Variants in TTC16 observed in about 807,000 individuals in gnomAD.
TTC16 encodes the protein tetratricopeptide repeat protein 16.
TTC16 carries 66 observed loss-of-function variants against 80.4 expected under a neutral mutation model. The ratio of observed to expected loss-of-function variants is 0.82; its 90% CI spans 0.67 to 1.01. The LOEUF (loss-of-function observed/expected upper bound fraction) is 1.01, where lower values mean the gene tolerates loss of function less well. TTC16 is among the 50% of genes least tolerant of loss of function. The probability of loss-of-function intolerance (pLI) is 0.00; values close to 1 mark genes in which losing one functional copy is unlikely to be tolerated. For missense variants in TTC16, 1,070 were observed against 1,103.2 expected (o/e 0.97, Z 0.43); for synonymous variants, 438 against 451.3 (o/e 0.97, Z 0.37).
chr9:127,724,482 CA>C (rs1428246725), intron 8 of TTC16, 118 bp downstream of exon 8: 8 of 1,358,684 alleles, frequency 5.9e-6, no homozygotes, highest in Non-Finnish European at 8.0e-6. Context: ...AGGAAGGAAG[CA>C]AGGGAAGAGG....
chr9:127,725,391 C>T (rs1171247224), intron 9 of TTC16, among the ~76,000 whole-genome samples: 6 of 149,882 alleles, frequency 4.0e-5, no homozygotes, highest in Non-Finnish European at 8.9e-5. Context: ...GGTGAAACCC[C>T]GTCTCTACTA....
chr9:127,723,344 G>A lies in TTC16; in HGVS notation c.872+11G>A, dbSNP rs1164769456. On this transcript the variant is annotated intron_variant, in intron 7 of 13. Transcript: ENST00000373289. Reference sequence around the variant, plus strand: ...TCTCTTCCTCTTCCGGTACTGCATGGGAAGGTGCTGGCCTTGGGTCCCAGG... The same window carrying A: ...TCTCTTCCTCTTCCGGTACTGCATGAGAAGGTGCTGGCCTTGGGTCCCAGG... 1.2e-6 allele frequency: 2 copies of A among 1,609,330 alleles called. No homozygotes were observed. The highest frequency in any genetic ancestry group is 2.2e-5 in the East Asian group (1 of 44,736).
chr9:127,724,981 C>A, intron 9 of TTC16, 84 bp downstream of exon 9: 2 of 1,404,480 alleles, frequency 1.4e-6, no homozygotes, highest in South Asian at 3.0e-5. Context: ...ATCCCTGGGT[C>A]AATCAAGCTG....
Position 127,717,407 on chromosome 9 carries a change from C to T in TTC16, c.265C>T (p.His89Tyr). The T allele has an allele frequency of 6.2e-7, 1 of 1,613,132 alleles. No homozygotes were observed. Among genetic ancestry groups the T allele is most frequent in the Non-Finnish European group, 8.5e-7 (1 of 1,179,708 alleles). Reference sequence around the variant, plus strand: ...TGTGCTGCTCTTCTCCCGCGCACTCCACCTGGACCCACAGCTGGTGAGAGG... The same window carrying T: ...TGTGCTGCTCTTCTCCCGCGCACTCTACCTGGACCCACAGCTGGTGAGAGG... Reference protein sequence around the residue: ...TAVLLFSRALHLDPQLVDFYA... With the variant: ...TAVLLFSRALYLDPQLVDFYA... The change falls in exon 3 of 14, where the codon CAC (histidine) becomes TAC (tyrosine). Residue 89 changes from histidine to tyrosine, a missense_variant. Coordinates refer to ENST00000373289, the MANE Select transcript of TTC16 (RefSeq NM_144965.3).
rs549212049 is a variant in TTC16, at chr9:127,716,799, G to A, written c.19-45G>A. 3.2e-6 allele frequency: 5 copies of A among 1,573,244 alleles called. No homozygotes were observed. The East Asian group carries it at 6.8e-5, about 21-fold the overall frequency. ...GCTGGGGAGTGTGTCAGTGGGTGGG[G>A]GTCGTCTCGGGGGCCTGCTCCAGCT... On this transcript the variant is annotated intron_variant, in intron 1 of 13. Coordinates refer to ENST00000373289, the MANE Select transcript of TTC16 (RefSeq NM_144965.3).
Position 127,716,853 on chromosome 9 carries a change from A to G in TTC16, c.28A>G (p.Lys10Glu). ...TGTCCTTCGGTTCTAGGATGCCCTG[A>G]AGGTTGACCAGGGCCCCTCACGGGA... MTDSDEDAL[K>E]VDQGPSRDIP... The change falls in exon 2 of 14, where the codon AAG (lysine) becomes GAG (glutamate). Residue 10 changes from lysine (K) to glutamate (E), a missense_variant. Coordinates refer to ENST00000373289, the MANE Select transcript of TTC16 (RefSeq NM_144965.3). 6.2e-7 allele frequency: 1 copy of G among 1,611,954 alleles called. No homozygotes were observed. Among genetic ancestry groups the G allele is most frequent in the Non-Finnish European group, 8.5e-7 (1 of 1,178,720 alleles).
chr9:127,723,020 G>A (rs1008068989), intron 6 of TTC16, 99 bp from the exon 7 acceptor site: 6 of 1,201,458 alleles, frequency 5.0e-6, no homozygotes, highest in African/African-American at 3.0e-5. Flanking sequence ...TGAGGGGCAC[G>A]GAGGAGGCAT....
chr9:127,716,266 A>G, intron 1 of TTC16, 103 bp downstream of exon 1: 1 of 1,540,442 alleles, frequency 6.5e-7, no homozygotes, highest in Non-Finnish European at 9.0e-7. Context: ...CAGGGGCAGC[A>G]GTCCGACTCA....
At chr9:127,730,381 A>T (rs1209835341) in intron 13 of TTC16, 9 of 542,352 alleles carry the variant, frequency 1.7e-5, no homozygotes, top group Non-Finnish European at 2.9e-5. Flanking sequence ...AGGAGCACAG[A>T]GGGCAGGGGC....
Position 127,721,395 on chromosome 9 carries a change from C to G in TTC16, c.657+1000C>G, listed in dbSNP as rs907724020. Among the ~76,000 whole-genome samples the G allele has an allele frequency of 1.5e-4, 23 of 150,944 alleles. No homozygotes were observed. In the Admixed American group the frequency reaches 1.5e-3, roughly 10 times the overall value. On this transcript the variant is annotated intron_variant, in intron 6 of 13. Coordinates refer to ENST00000373289, the MANE Select transcript of TTC16 (RefSeq NM_144965.3). ...TTCAGAAGGCAGGGCCGGAGTCTGGCTTGGGGGTGGGCTTGAAGGAAAAGG... is the reference window on the plus strand; with the variant it reads ...TTCAGAAGGCAGGGCCGGAGTCTGGGTTGGGGGTGGGCTTGAAGGAAAAGG...
At chr9:127,726,787 CAAAAAAAAA>C (rs55676226) in intron 10 of TTC16, among the ~76,000 whole-genome samples, 174 bp from the exon 11 acceptor site, 1 of 127,738 alleles carries the variant, frequency 7.8e-6, no homozygotes, top group Non-Finnish European at 1.8e-5. Flanking sequence ...GACTCTGTCT[CAAAAAAAAA>C]AAAAAAAAAA....
chr9:127,721,606 T>G (rs1843517953), intron 6 of TTC16, among the ~76,000 whole-genome samples: 1 of 152,086 alleles, frequency 6.6e-6, no homozygotes, highest in South Asian at 2.1e-4. Context: ...CAGGAGTGAC[T>G]TCGGGGAGTG....
chr9:127,716,823 C>T (rs1299403293), intron 1 of TTC16, 21 bp from the exon 2 acceptor site: 2 of 1,594,896 alleles, frequency 1.3e-6, no homozygotes, highest in East Asian at 2.3e-5. Context: ...CCTGCTCCAG[C>T]TTGCTGTCCT....
Position 127,726,222 on chromosome 9 carries a change from C to A in TTC16, c.1260-17C>A, listed in dbSNP as rs200734996. ...TGGCCCAGCTCATAGCAGCTTGGGA[C>A]CCACTGTGTCGTGCAGGCAGTTCCA... On this transcript the variant is annotated splice_polypyrimidine_tract_variant and intron_variant, in intron 9 of 13. Coordinates refer to ENST00000373289, the MANE Select transcript of TTC16 (RefSeq NM_144965.3). 33 of 1,558,552 alleles carry A rather than the reference C, an allele frequency of 2.1e-5. No homozygotes were observed. Among genetic ancestry groups the A allele is most frequent in the Middle Eastern group, 1.7e-4 (1 of 5,870 alleles).
intron 12 of TTC16, chr9:127,727,932 CGTATTTTTA>C (rs1312528266): frequency 1.3e-5 from 2 of 153,144 alleles, no homozygotes; most frequent in Non-Finnish European, 2.9e-5. Flanking sequence ...GCTAATTTTT[CGTATTTTTA>C]GTATTTTTGT....
At position 127,720,335 on chromosome 9, in the gene TTC16, G is replaced by A. The variant is rs754250819; in HGVS notation, c.597G>A (p.Gln199=). 1.2e-6 allele frequency: 2 copies of A among 1,613,494 alleles called. No homozygotes were observed. The highest frequency in any genetic ancestry group is 3.3e-5 in the Admixed American group (2 of 60,022). ...CGCTCATCACCAACGAGCTGAAGCAGGACACCACCAACGCCGATGTCTACA... is the reference window on the plus strand; with the variant it reads ...CGCTCATCACCAACGAGCTGAAGCAAGACACCACCAACGCCGATGTCTACA... The part of the protein sequence containing the change: ...CLTLITNELK[Q]DTTNADVYIF... The change falls in exon 6 of 14, where the codon CAG becomes CAA. Residue 199 remains glutamine, a synonymous_variant. Coordinates refer to ENST00000373289, the MANE Select transcript of TTC16 (RefSeq NM_144965.3).
intron 12 of TTC16, chr9:127,727,764 ATT>A (rs941141138): frequency 3.0e-6 from 1 of 337,622 alleles, no homozygotes; most frequent in Non-Finnish European, 4.8e-6. Context: ...TTGTGCCAGA[ATT>A]TTTTGTTTTT....
Position 127,720,173 on chromosome 9 carries a change from C to T in TTC16, c.522C>T (p.Tyr174=). 6.2e-7 allele frequency: 1 copy of T among 1,613,768 alleles called. No individual in the cohort carries two copies. Among genetic ancestry groups the T allele is most frequent in the East Asian group, 2.2e-5 (1 of 44,886 alleles). ...AGCCTGAGAAACCATGCTTCCGTTACCGATGGTGAGTGCCCCTGCCAGCCC... is the reference window on the plus strand; with the variant it reads ...AGCCTGAGAAACCATGCTTCCGTTATCGATGGTGAGTGCCCCTGCCAGCCC... ...ELQPEKPCFR[Y]RCMACLLALK... The change falls in exon 5 of 14, where the codon TAC becomes TAT. Residue 174 remains tyrosine (Y), a synonymous_variant. Transcript: ENST00000373289.
chr9:127,724,097 G>C, intron 7 of TTC16, 23 bp from the exon 8 acceptor site: 1 of 1,532,882 alleles, frequency 6.5e-7, no homozygotes. Flanking sequence ...CCCTCCTGCC[G>C]TCTCCCACGC....
Sources: allele counts gnomAD v4.1 joint callset (sites outside exome capture counted in the v4.1 genomes callset), GRCh38; gene constraint gnomAD v4.1.1; transcripts MANE v1.5; gene names NCBI Gene and HGNC (gene_info 2026-07-23, HGNC 2026-07-21).